Variants in ADGRG1 observed in about 807,000 individuals in gnomAD.
ADGRG1 encodes adhesion G protein-coupled receptor G1.
Under a neutral mutation model 73.5 loss-of-function variants are expected in ADGRG1, and 53 were observed. That is an observed-to-expected ratio of 0.72 (90% CI 0.58 to 0.91). The LOEUF (loss-of-function observed/expected upper bound fraction) is 0.91, where lower values mean the gene tolerates loss of function less well. Ranked by LOEUF, ADGRG1 falls within the 40% of genes least tolerant of loss-of-function variation. ADGRG1 has a pLI of 0.00. For synonymous variants in ADGRG1, 394 were observed against 374.4 expected, an observed-to-expected ratio of 1.05 and a Z score of -0.60; for missense variants, 795 against 871.8, an observed-to-expected ratio of 0.91 and a Z score of 1.11.
chr16:57,629,989 G>A (rs2037302513), intron 1 of ADGRG1: 2 of 985,274 alleles, frequency 2.0e-6, no homozygotes, highest in Non-Finnish European at 2.4e-6. Context: ...AGCAGTTGTA[G>A]CCTGGGGTCC....
chr16:57,638,937 G>T (rs189272664), intron 1 of ADGRG1, among the ~76,000 whole-genome samples: 45 of 152,236 alleles, frequency 3.0e-4, no homozygotes, highest in African/African-American at 9.9e-4. Flanking sequence ...GGGCATGGTG[G>T]TGGGCACCTG....
chr16:57,629,090 G>C lies in ADGRG1; in HGVS notation c.-36+288G>C, dbSNP rs1179463455. On this transcript the variant is annotated intron_variant, in intron 1 of 13. Coordinates refer to ENST00000562631, the MANE Select transcript of ADGRG1 (RefSeq NM_201525.4). The stretch of plus-strand genomic sequence containing the variant: ...TGAGTGTGAGTGTGGGAGTGTATGT[G>C]AGTGTAAGTGTGGATGTGTGCATCC... The C allele has an allele frequency of 4.0e-6, 3 of 749,982 alleles. No homozygotes were observed. In the African/African-American group the frequency reaches 5.7e-5, roughly 14 times the overall value. 46.5% of individuals were successfully genotyped at this position (749,982 alleles called of 1,614,324 possible).
intron 1 of ADGRG1, chr16:57,634,254 A>G (rs1375305939): frequency 1.0e-6 from 1 of 985,052 alleles, no homozygotes; most frequent in African/African-American, 1.8e-5. Flanking sequence ...TGGGTCTCGG[A>G]CCCTGTGGCA....
chr16:57,634,806 C>T (rs2038950918), intron 1 of ADGRG1, among the ~76,000 whole-genome samples: 1 of 152,216 alleles, frequency 6.6e-6, no homozygotes. Flanking sequence ...CACCCAATTC[C>T]CACATTCCCC....
At chr16:57,663,429 C>T (rs2047757933) in intron 13 of ADGRG1, 23 bp from the exon 14 acceptor site, 1 of 1,613,508 alleles carries the variant, frequency 6.2e-7, no homozygotes, top group Non-Finnish European at 8.5e-7. Context: ...CACCTGCTGA[C>T]CCCGTGCCCT....
At chr16:57,644,372 A>ACTCAT (rs2041715064) in intron 1 of ADGRG1, 2 of 188,008 alleles carry the variant, frequency 1.1e-5, no homozygotes, top group Non-Finnish European at 2.0e-5. Flanking sequence ...ACGGGCACAC[A>ACTCAT]GCCATGTGCA....
intron 6 of ADGRG1, 27 bp downstream of exon 6, chr16:57,655,557 C>T (rs1446329330): frequency 1.1e-5 from 18 of 1,612,420 alleles, no homozygotes; most frequent in Non-Finnish European, 1.4e-5. Flanking sequence ...CTCATGCCTC[C>T]CAGGAGAAAG....
At chr16:57,628,116 T>G (rs1209383191), upstream of ADGRG1, 6 of 963,540 alleles carry the variant, frequency 6.2e-6, no homozygotes, top group African/African-American at 2.0e-5. Flanking sequence ...CTGGCTGGCC[T>G]CCTGCCCGGC....
chr16:57,622,844 G>T, upstream of ADGRG1: 1 of 985,358 alleles, frequency 1.0e-6, no homozygotes, highest in Non-Finnish European at 1.2e-6. Flanking sequence ...GGGGAGGTCA[G>T]CAGGCGGGGG....
chr16:57,654,103 C>A lies in ADGRG1; in HGVS notation c.738C>A (p.Leu246=), dbSNP rs2044842858. 2 of 1,613,528 alleles carry A rather than the reference C, an allele frequency of 1.2e-6. No homozygotes were observed. Among genetic ancestry groups the A allele is most frequent in the African/African-American group, 1.3e-5 (1 of 75,062 alleles). The change falls in exon 5 of 14, where the codon CTC becomes CTA. Residue 246 remains leucine, a synonymous_variant. Transcript: ENST00000562631. The part of the protein sequence containing the change: ...TVWKLQPTAG[L]QDLHIHSRQE... ...GGAAGCTCCAGCCCACAGCCGGCCT[C>A]CAGGACCTGCACATCCACTCCCGGC...
intron 1 of ADGRG1, chr16:57,642,460 T>A (rs1428293249): frequency 2.0e-6 from 2 of 985,266 alleles, no homozygotes; most frequent in Non-Finnish European, 2.4e-6. Flanking sequence ...GGCTTCTGTG[T>A]GGCGTCAAGA....
chr16:57,642,142 G>A, intron 1 of ADGRG1: 1 of 985,300 alleles, frequency 1.0e-6, no homozygotes, highest in Non-Finnish European at 1.2e-6. Flanking sequence ...AACATCCTGA[G>A]TGTCTTAGCT....
chr16:57,635,240 A>G (rs2039059296), intron 1 of ADGRG1: 1 of 985,276 alleles, frequency 1.0e-6, no homozygotes, highest in African/African-American at 1.7e-5. Flanking sequence ...CAAAGCTGGA[A>G]GAAACCCTCG....
chr16:57,628,845 TGTGAGTGTGAGAGTGTGAGTGTGTGAGC>T, intron 1 of ADGRG1, 43 bp downstream of exon 1: 1 of 978,216 alleles, frequency 1.0e-6, no homozygotes, highest in Non-Finnish European at 1.2e-6. Flanking sequence ...AGGGGAATAG[TGTGAGTGTGAGAGTGTGAGTGTGTGAGC>T]GTGAGTGTGT....
chr16:57,659,646 C>T lies in ADGRG1; in HGVS notation c.1520C>T (p.Pro507Leu). The T allele has an allele frequency of 6.2e-7, 1 of 1,614,034 alleles. No individual in the cohort carries two copies. Among genetic ancestry groups the T allele is most frequent in the South Asian group, 1.1e-5 (1 of 91,084 alleles). The stretch of plus-strand genomic sequence containing the variant: ...GTGGAGGTCTTTGGCACCTATGTCC[C>T]TGGCTACCTACTCAAGCTGAGCGCC... ...LVVEVFGTYV[P>L]GYLLKLSAMG... Residue 507 changes from proline (P) to leucine (L), a missense_variant, in exon 11 of 14, where the codon CCT becomes CTT. By Grantham distance (98) the Pro-to-Leu change is moderately conservative. Transcript: ENST00000562631.
At chr16:57,650,531 A>G in intron 2 of ADGRG1, 180 bp downstream of exon 2, 1 of 534,286 alleles carries the variant, frequency 1.9e-6, no homozygotes, top group Non-Finnish European at 2.4e-6. Flanking sequence ...CCTGCAGTGC[A>G]CAGCTTAGGG....
chr16:57,655,196 A>G, intron 5 of ADGRG1: 18 of 985,396 alleles, frequency 1.8e-5, no homozygotes, highest in Non-Finnish European at 1.9e-5. Context: ...CCTGGATTCT[A>G]ACCACAAGAC....
At chr16:57,642,438 G>A (rs2041080583) in intron 1 of ADGRG1, 1 of 985,356 alleles carries the variant, frequency 1.0e-6, no homozygotes, top group African/African-American at 1.7e-5. Flanking sequence ...GAGGGGGCTG[G>A]AGGTGCTGGC....
upstream of ADGRG1, chr16:57,624,315 C>G (rs573163138): frequency 3.2e-5 from 6 of 186,328 alleles, no homozygotes; most frequent in Admixed American, 1.3e-4. Context: ...GCGTGGGCAA[C>G]GTATCAAGAC....
Sources: allele counts gnomAD v4.1 joint callset (sites outside exome capture counted in the v4.1 genomes callset), GRCh38; gene constraint gnomAD v4.1.1; transcripts MANE v1.5; gene names NCBI Gene and HGNC (gene_info 2026-07-23, HGNC 2026-07-21).